The following KCNT2 variants were observed in gnomAD, a reference collection of about 807,000 sequenced individuals.
KCNT2 encodes potassium channel subfamily T member 2.
KCNT2 carries 67 observed loss-of-function variants against 153.8 expected under a neutral mutation model. The ratio of observed to expected loss-of-function variants is 0.44; its 90% CI spans 0.36 to 0.53. KCNT2 has a LOEUF of 0.53. Among genes scored for constraint, KCNT2 ranks in the 20% least tolerant of loss-of-function variants. KCNT2 has a pLI of 0.00. For synonymous variants in KCNT2, 500 were observed against 458.8 expected (o/e 1.09, Z -1.15); for missense variants, 975 against 1,354.8 (o/e 0.72, Z 4.40).
chr1:196,547,089 A>G (rs906076493), intron 1 of KCNT2, among the ~76,000 whole-genome samples: 2 of 152,048 alleles, frequency 1.3e-5, no homozygotes, highest in Non-Finnish European at 2.9e-5. Flanking sequence ...TCTAGTAAAA[A>G]GACAACGTAT....
At chr1:196,417,270 G>A (rs1572379155) in intron 12 of KCNT2, among the ~76,000 whole-genome samples, 1 of 152,172 alleles carries the variant, frequency 6.6e-6, no homozygotes, top group Admixed American at 6.6e-5. Context: ...GTTATGTGAA[G>A]CTGACATGAC....
intron 5 of KCNT2, among the ~76,000 whole-genome samples, chr1:196,469,602 A>G (rs1225200306): frequency 2.0e-5 from 3 of 152,174 alleles, no homozygotes; most frequent in Non-Finnish European, 4.4e-5. Flanking sequence ...CTGAGTACAT[A>G]ATTTGCAGGA....
At chr1:196,253,690 G>T (rs1287902901) in intron 26 of KCNT2, among the ~76,000 whole-genome samples, 1 of 151,418 alleles carries the variant, frequency 6.6e-6, no homozygotes, top group East Asian at 1.9e-4. Flanking sequence ...TTTCAGTTGA[G>T]AACATAAATG....
chr1:196,571,531 A>G (rs1660774130), intron 1 of KCNT2, among the ~76,000 whole-genome samples: 2 of 152,130 alleles, frequency 1.3e-5, no homozygotes, highest in Non-Finnish European at 2.9e-5. Flanking sequence ...ACAAGTCAAA[A>G]TTGTTCTTAA....
chr1:196,412,373 G>A lies in KCNT2; in HGVS notation c.1185+10677C>T, dbSNP rs190559491. Among the ~76,000 whole-genome samples the A allele has an allele frequency of 2.6e-5, 4 of 151,634 alleles. No individual in the cohort carries two copies. The East Asian group carries it at 7.8e-4, about 30-fold the overall frequency. ...TGTTCAGCTGGTATGTCCATGTTTG[G>A]GGTACAGAATACTCAATAAATATTT... On this transcript the variant is annotated intron_variant, in intron 12 of 27. Transcript: ENST00000294725.
At chr1:196,252,313 G>A (rs1230827375) in intron 26 of KCNT2, among the ~76,000 whole-genome samples, 4 of 151,664 alleles carry the variant, frequency 2.6e-5, no homozygotes, top group African/African-American at 9.7e-5. Context: ...TATGATAACT[G>A]TTGCATCTAC....
chr1:196,341,867 T>G (rs1321685770), intron 15 of KCNT2, among the ~76,000 whole-genome samples: 2 of 152,100 alleles, frequency 1.3e-5, no homozygotes, highest in Non-Finnish European at 2.9e-5. Flanking sequence ...CTAAATGAAA[T>G]ATTCCTACTA....
At chr1:196,299,278 G>C (rs1441472601) in intron 22 of KCNT2, among the ~76,000 whole-genome samples, 1 of 151,862 alleles carries the variant, frequency 6.6e-6, no homozygotes, top group Non-Finnish European at 1.5e-5. Context: ...TTGGGAGAAG[G>C]TGTCAATGAC....
At chr1:196,331,629 A>G (rs1664473270) in intron 17 of KCNT2, among the ~76,000 whole-genome samples, 1 of 152,080 alleles carries the variant, frequency 6.6e-6, no homozygotes, top group African/African-American at 2.4e-5. Flanking sequence ...GTGCTTTGGT[A>G]ACAGAGTTAG....
chr1:196,253,861 T>A (rs971937111), intron 26 of KCNT2, among the ~76,000 whole-genome samples: 6 of 151,502 alleles, frequency 4.0e-5, no homozygotes, highest in South Asian at 2.1e-4. Flanking sequence ...AACAAAAAAA[T>A]TTTATTTGAT....
intron 22 of KCNT2, among the ~76,000 whole-genome samples, chr1:196,286,638 TACACACAC>T (rs201006771): frequency 8.2e-5 from 11 of 134,310 alleles, no homozygotes; most frequent in Non-Finnish European, 1.8e-4. Flanking sequence ...CACACACACA[TACACACAC>T]ACACACACAC....
chr1:196,366,167 T>TA (rs1279483987), intron 14 of KCNT2, among the ~76,000 whole-genome samples: 1 of 150,928 alleles, frequency 6.6e-6, no homozygotes, highest in East Asian at 1.9e-4. Flanking sequence ...AATTATTATT[T>TA]TTTTTTTTTG....
intron 12 of KCNT2, among the ~76,000 whole-genome samples, chr1:196,414,506 A>G (rs1408776238): frequency 6.6e-6 from 1 of 151,888 alleles, no homozygotes; most frequent in South Asian, 2.1e-4. Flanking sequence ...TTTCTCCAAG[A>G]TTCCATGTAA....
intron 13 of KCNT2, among the ~76,000 whole-genome samples, chr1:196,384,837 C>T (rs1669826199): frequency 6.6e-6 from 1 of 151,698 alleles, no homozygotes; most frequent in Non-Finnish European, 1.5e-5. Context: ...CATTTAGAAC[C>T]CACTTTTTGG....
At chr1:196,311,419 T>C (rs953565323) in intron 21 of KCNT2, among the ~76,000 whole-genome samples, 1 of 151,610 alleles carries the variant, frequency 6.6e-6, no homozygotes, top group Non-Finnish European at 1.5e-5. Flanking sequence ...AATGCAGGAG[T>C]TGCTCCATTC....
intron 1 of KCNT2, among the ~76,000 whole-genome samples, chr1:196,551,304 T>G (rs1657868486): frequency 6.6e-6 from 1 of 151,838 alleles, no homozygotes; most frequent in South Asian, 2.1e-4. Context: ...AACATAAATT[T>G]TATATTTGGA....
chr1:196,379,234 C>T (rs1428325727), intron 13 of KCNT2, among the ~76,000 whole-genome samples: 2 of 151,966 alleles, frequency 1.3e-5, no homozygotes, highest in African/African-American at 4.8e-5. Flanking sequence ...TTCCTTCTAG[C>T]TTCTAATTCC....
At chr1:196,288,025 T>C (rs1659831151) in intron 22 of KCNT2, among the ~76,000 whole-genome samples, 1 of 152,060 alleles carries the variant, frequency 6.6e-6, no homozygotes, top group Non-Finnish European at 1.5e-5. Context: ...TTAGAGGTGA[T>C]GTCTAAGTTG....
Position 196,519,721 on chromosome 1 carries a change from C to T in KCNT2, c.96-27380G>A, listed in dbSNP as rs140840981. On this transcript the variant is annotated intron_variant, in intron 1 of 27. Transcript: ENST00000294725. Reference sequence around the variant, plus strand: ...AGATGGATAAATTCCTGAACACATACACCCTCCCAAGACTGAACCAGGAAG... The same window carrying T: ...AGATGGATAAATTCCTGAACACATATACCCTCCCAAGACTGAACCAGGAAG... Among the ~76,000 whole-genome samples, 623 of 152,194 alleles carry T rather than the reference C, an allele frequency of 4.1e-3. 5 individuals carry two copies. Among genetic ancestry groups the T allele is most frequent in the African/African-American group, 0.014 (590 of 41,534 alleles).
Sources: gnomAD v4.1 joint callset for allele counts (sites outside exome capture counted in the v4.1 genomes callset) on GRCh38, gnomAD v4.1.1 for gene constraint, MANE v1.5 for transcripts, NCBI Gene and HGNC (gene_info 2026-07-23, HGNC 2026-07-21) for gene names.